Variants in NCAPD3 observed in about 807,000 individuals in gnomAD.
NCAPD3 encodes non-SMC condensin II complex subunit D3, also known as condensin-2 complex subunit D3.
Under a neutral mutation model 182.9 loss-of-function variants are expected in NCAPD3, and 105 were observed. That is an observed-to-expected ratio of 0.57 (90% CI 0.49 to 0.68). The LOEUF (loss-of-function observed/expected upper bound fraction) is 0.68. NCAPD3 is among the 30% of genes least tolerant of loss of function. The pLI, the probability that NCAPD3 is intolerant of heterozygous loss-of-function variation, is 0.00. For missense variants in NCAPD3, 1,944 were observed against 1,837.0 expected (o/e 1.06, Z -1.07); for synonymous variants, 815 against 679.9 (o/e 1.20, Z -3.09).
At chr11:134,168,632 T>A (rs748988572) in intron 25 of NCAPD3, 30 bp from the exon 26 acceptor site, 68 of 1,613,416 alleles carry the variant, frequency 4.2e-5, no homozygotes, top group Non-Finnish European at 5.0e-5. Flanking sequence ...GTTCACTGCA[T>A]CACATGGGCA....
Position 134,158,037 on chromosome 11 carries a change from C to T in NCAPD3, c.4065G>A (p.Leu1355=). The change falls in exon 31 of 35, where the codon CTG becomes CTA. Residue 1355 remains leucine (L), a synonymous_variant. Coordinates refer to ENST00000534548, the MANE Select transcript of NCAPD3 (RefSeq NM_015261.3). ...RPMSLSTIAI[L]NSVKKAVESK... ...ACTCCACGGCTTTCTTGACAGAATT[C>T]AGGATTGCAATGGTGCTCAGGGACA... The T allele has an allele frequency of 6.2e-7, 1 of 1,614,188 alleles. No individual in the cohort carries two copies. The highest frequency in any genetic ancestry group is 8.5e-7 in the Non-Finnish European group (1 of 1,180,038).
At chr11:134,162,433 C>T (rs902796383) in intron 27 of NCAPD3, among the ~76,000 whole-genome samples, 1 of 152,164 alleles carries the variant, frequency 6.6e-6, no homozygotes, top group African/African-American at 2.4e-5. Context: ...TTGACCAAGT[C>T]TTCACACTTT....
intron 8 of NCAPD3, among the ~76,000 whole-genome samples, chr11:134,205,483 G>C (rs554691209): frequency 4.0e-5 from 6 of 151,704 alleles, no homozygotes; most frequent in South Asian, 2.1e-4. Context: ...GGGTTCAAGA[G>C]TTTCTCCTGC....
intron 16 of NCAPD3, among the ~76,000 whole-genome samples, chr11:134,187,690 G>C (rs914912127): frequency 8.5e-5 from 13 of 152,156 alleles, no homozygotes; most frequent in Admixed American, 7.2e-4. Context: ...GGACAAAGAG[G>C]AAGAAATAAT....
rs1943489988 is a variant in NCAPD3 at position 134,158,485 on chromosome 11, C to T, written c.3878G>A (p.Cys1293Tyr). The change falls in exon 30 of 35, where the codon TGT becomes TAT. Residue 1293 changes from cysteine to tyrosine, a missense_variant. By Grantham distance (194) the Cys-to-Tyr change is radical (BLOSUM62 -2). Coordinates refer to ENST00000534548, the MANE Select transcript of NCAPD3 (RefSeq NM_015261.3). ...EVAPVAQVAL[C>Y]LETVPVPAGQ... ...AGCAGGAACTGGCACTGTTTCTAAACACAGGGCAACCTGGTAGAGAAGATA... is the reference window on the plus strand; with the variant it reads ...AGCAGGAACTGGCACTGTTTCTAAATACAGGGCAACCTGGTAGAGAAGATA... The T allele has an allele frequency of 6.2e-7, 1 of 1,613,562 alleles. No individual in the cohort carries two copies. The highest frequency in any genetic ancestry group is 1.3e-5 in the African/African-American group (1 of 74,928).
In NCAPD3 at chr11:134,223,769, G is replaced by T. The variant is rs999265160; in HGVS notation, c.64+94C>A. ...GCCGACAGCCGGGCGCCCCCACCCC[G>T]CCCCCACCGGCACCCCGGCCCGGGC... On this transcript the variant is annotated intron_variant, in intron 1 of 34. Coordinates refer to ENST00000534548, the MANE Select transcript of NCAPD3 (RefSeq NM_015261.3). The T allele has an allele frequency of 9.0e-6, 6 of 668,850 alleles. No individual in the cohort carries two copies. In the African/African-American group the frequency reaches 9.5e-5, roughly 11 times the overall value. The allele number at this position is 668,850 out of a possible 1,614,324, so 41.4% of individuals were successfully genotyped here.
At chr11:134,175,954 T>G (rs976260800) in intron 24 of NCAPD3, among the ~76,000 whole-genome samples, 1 of 152,118 alleles carries the variant, frequency 6.6e-6, no homozygotes, top group Non-Finnish European at 1.5e-5. Context: ...ACTTTTTTTT[T>G]TTTTTGCCTA....
At chr11:134,165,867 ACACT>A (rs1418475754) in intron 27 of NCAPD3, among the ~76,000 whole-genome samples, 6 of 126,348 alleles carry the variant, frequency 4.7e-5, no homozygotes, top group African/African-American at 9.4e-5. Context: ...GGGGAGCTGC[ACACT>A]CACTAGTGAG....
At chr11:134,207,757 A>C (rs911339553) in intron 7 of NCAPD3, among the ~76,000 whole-genome samples, 9 of 151,840 alleles carry the variant, frequency 5.9e-5, no homozygotes, top group African/African-American at 1.9e-4. Flanking sequence ...AAAAAAAAAA[A>C]AAAAAAAAAA....
chr11:134,179,105 G>A (rs1474821967), intron 20 of NCAPD3, among the ~76,000 whole-genome samples, 169 bp from the exon 21 acceptor site: 1 of 152,128 alleles, frequency 6.6e-6, no homozygotes, highest in Non-Finnish European at 1.5e-5. Context: ...TAGTCACTAT[G>A]TAATGAAACT....
intron 19 of NCAPD3, among the ~76,000 whole-genome samples, chr11:134,184,261 C>A (rs193018989): frequency 8.5e-5 from 13 of 152,354 alleles, no homozygotes; most frequent in Admixed American, 4.6e-4. Context: ...GAAACCTGTT[C>A]TGGAGGGAAC....
intron 2 of NCAPD3, among the ~76,000 whole-genome samples, chr11:134,219,375 C>A (rs1938143687): frequency 6.6e-6 from 1 of 152,154 alleles, no homozygotes; most frequent in Non-Finnish European, 1.5e-5. Context: ...AACTCTCCAC[C>A]CCCTGCAACT....
At position 134,192,736 on chromosome 11, in the gene NCAPD3, G is replaced by A. The variant is rs1030603560; in HGVS notation, c.1998C>T (p.Leu666=). Residue 666 remains leucine (L), a synonymous_variant, in exon 16 of 35, where the codon CTC becomes CTT. Transcript: ENST00000534548. The part of the protein sequence containing the change: ...HFHSGDDSQV[L]AWALLTLLTT... Reference sequence around the variant, plus strand: ...TGAGGAGAGTAAGAAGCGCCCAGGCGAGGACCTGGCTGTCGTCCCCAGAGT... The same window carrying A: ...TGAGGAGAGTAAGAAGCGCCCAGGCAAGGACCTGGCTGTCGTCCCCAGAGT... 5.0e-6 allele frequency: 8 copies of A among 1,614,224 alleles called. No homozygotes were observed. Among genetic ancestry groups the A allele is most frequent in the South Asian group, 3.3e-5 (3 of 91,070 alleles).
chr11:134,163,636 G>C (rs954567332), intron 27 of NCAPD3, among the ~76,000 whole-genome samples: 3 of 149,110 alleles, frequency 2.0e-5, no homozygotes, highest in Admixed American at 1.3e-4. Context: ...GGGGGGCAGA[G>C]CTTGCACTGA....
intron 27 of NCAPD3, among the ~76,000 whole-genome samples, chr11:134,165,184 G>T (rs528754218): frequency 2.0e-5 from 3 of 148,280 alleles, no homozygotes; most frequent in African/African-American, 7.5e-5. Context: ...CTGCACACTT[G>T]TGAGATGAGC....
intron 17 of NCAPD3, 146 bp from the exon 18 acceptor site, chr11:134,185,146 T>C: frequency 1.1e-6 from 1 of 878,582 alleles, no homozygotes; most frequent in African/African-American, 1.7e-5. Context: ...TCAAGGCATT[T>C]AATGTACTTG....
rs896409 is a variant in NCAPD3, at chr11:134,204,018, C to T, written c.1215+28G>A. The T allele has an allele frequency of 0.17, 268,161 of 1,609,002 alleles. 23,346 individuals are homozygous for T. The highest frequency in any genetic ancestry group is 0.29 in the East Asian group (13,191 of 44,798). On this transcript the variant is annotated intron_variant, in intron 10 of 34. Transcript: ENST00000534548. The surrounding 1 kb of genome is among the most constrained non-coding windows in gnomAD (Gnocchi z 4.3). ...TTTTAAAAAGAGTTTAAAAAGGACC[C>T]AAGGTTTTATGCAGAGCTATCTCCT...
intron 13 of NCAPD3, among the ~76,000 whole-genome samples, chr11:134,197,746 A>T (rs1944666668): frequency 6.6e-6 from 1 of 152,228 alleles, no homozygotes; most frequent in Non-Finnish European, 1.5e-5. Flanking sequence ...AAAATCAATC[A>T]ATGTAAATTA....
rs1944802658 is a variant in NCAPD3 at position 134,204,048 on chromosome 11, T to G, written c.1213A>C (p.Lys405Gln). 1 of 1,614,098 alleles carries G rather than the reference T, an allele frequency of 6.2e-7. No homozygotes were observed. The highest frequency in any genetic ancestry group is 1.3e-5 in the African/African-American group (1 of 75,048). Residue 405 changes from lysine to glutamine, a missense_variant and splice_region_variant, in exon 10 of 35, where the codon AAG becomes CAG. This residue lies in a region of NCAPD3 where 1,803 missense variants were observed against 1,674.6 expected (regional missense o/e 1.08). Transcript: ENST00000534548. The surrounding 1 kb of genome is among the most constrained non-coding windows in gnomAD (Gnocchi z 4.3). ...AWLYKYSRSS[K>Q]IPHRVFTLDV... ...TTTTATGCAGAGCTATCTCCTACCTTGGAACTTCGGGAGTATTTGTAAAGC... is the reference window on the plus strand; with the variant it reads ...TTTTATGCAGAGCTATCTCCTACCTGGGAACTTCGGGAGTATTTGTAAAGC...
Sources: allele counts gnomAD v4.1 joint callset (sites outside exome capture counted in the v4.1 genomes callset), GRCh38; gene constraint gnomAD v4.1.1; regional missense constraint gnomAD v4.1.1; non-coding constraint Gnocchi (gnomAD v3.1); transcripts MANE v1.5; gene names NCBI Gene and HGNC (gene_info 2026-07-23, HGNC 2026-07-21).